GLRX2: variants seen among roughly 807,000 people sequenced by gnomAD.
GLRX2 encodes the protein bA101E13.1 (GRX2 glutaredoxin (thioltransferase) 2).
Under a neutral mutation model 16.4 loss-of-function variants are expected in GLRX2, and 12 were observed. The ratio of observed to expected loss-of-function variants is 0.73; its 90% CI spans 0.47 to 1.19. GLRX2 has a LOEUF of 1.19. Among genes scored for constraint, GLRX2 ranks in the 50% most tolerant of loss-of-function variants. GLRX2 has a pLI of 0.00. For missense variants in GLRX2, 201 were observed against 201.8 expected, an observed-to-expected ratio of 1.00 and a Z score of 0.02; for synonymous variants, 95 against 76.2, an observed-to-expected ratio of 1.25 and a Z score of -1.28.
intron 2 of GLRX2, among the ~76,000 whole-genome samples, chr1:193,098,624 T>C (rs756253404): frequency 3.9e-5 from 6 of 152,118 alleles, no homozygotes; most frequent in Non-Finnish European, 8.8e-5. Flanking sequence ...AGTGGTGGGA[T>C]CTCAGCAACC....
intron 1 of GLRX2, among the ~76,000 whole-genome samples, chr1:193,104,887 T>G (rs1675153801): frequency 6.6e-6 from 1 of 152,260 alleles, no homozygotes; most frequent in Admixed American, 6.5e-5. Context: ...ACCAGAAAAC[T>G]GTTCCGTTTT....
upstream of GLRX2, chr1:193,105,852 C>T: frequency 8.0e-7 from 1 of 1,249,794 alleles, no homozygotes; most frequent in South Asian, 2.8e-5. Context: ...CTAAATATAT[C>T]CTCTTATAAT....
At position 193,105,404 on chromosome 1, in the gene GLRX2, C is replaced by A; in HGVS notation, c.-22G>T. 6.6e-7 allele frequency: 1 copy of A among 1,517,582 alleles called. No individual in the cohort carries two copies. Among genetic ancestry groups the A allele is most frequent in the Non-Finnish European group, 8.8e-7 (1 of 1,142,818 alleles). 94.0% of individuals were successfully genotyped at this position (1,517,582 alleles called of 1,614,324 possible). ...TCATGGTCAGAGCCCGGATCTGCAG[C>A]GAGCTCTACTGCCGGACACCGCGGA... On this transcript the variant is annotated 5_prime_UTR_variant, in exon 1 of 4. Coordinates refer to ENST00000367439, the MANE Select transcript of GLRX2 (RefSeq NM_197962.3).
chr1:193,100,834 G>A (rs34575782), intron 2 of GLRX2, among the ~76,000 whole-genome samples: 55 of 152,322 alleles, frequency 3.6e-4, no homozygotes, highest in African/African-American at 1.2e-3. Context: ...GCTAAGGGCA[G>A]CTTGACTGGT....
rs1347122732 is a variant in GLRX2, at chr1:193,103,047, C to T, written c.120-1843G>A. 3.3e-5 allele frequency among the ~76,000 whole-genome samples: 5 copies of T among 151,880 alleles called. No individual in the cohort carries two copies. The East Asian group carries it at 5.8e-4, about 18-fold the overall frequency. On this transcript the variant is annotated intron_variant, in intron 1 of 3. Coordinates refer to ENST00000367439, the MANE Select transcript of GLRX2 (RefSeq NM_197962.3). ...AATGGCTCCAACAAGAGTGAAACTCCGTCTTAAATAATAATAATAATAATG... is the reference window on the plus strand; with the variant it reads ...AATGGCTCCAACAAGAGTGAAACTCTGTCTTAAATAATAATAATAATAATG...
intron 1 of GLRX2, among the ~76,000 whole-genome samples, chr1:193,101,950 T>A (rs563952634): frequency 3.9e-5 from 6 of 152,310 alleles, no homozygotes; most frequent in Non-Finnish European, 8.8e-5. Context: ...CAAATCTTTT[T>A]ATCCCTGGAA....
intron 1 of GLRX2, among the ~76,000 whole-genome samples, chr1:193,102,488 A>T (rs1015522603): frequency 6.6e-6 from 1 of 152,126 alleles, no homozygotes; most frequent in Non-Finnish European, 1.5e-5. Context: ...AGTCACTGAC[A>T]CTACAGGTAT....
chr1:193,104,543 T>C (rs191516927), intron 1 of GLRX2, among the ~76,000 whole-genome samples: 5 of 152,282 alleles, frequency 3.3e-5, no homozygotes, highest in South Asian at 2.1e-4. Flanking sequence ...CCAGATCAAG[T>C]AGATAGCGAG....
upstream of GLRX2, chr1:193,105,748 G>GA (rs1675189044): frequency 1.4e-6 from 2 of 1,402,168 alleles, no homozygotes; most frequent in South Asian, 1.6e-5. Context: ...AAACGGAGGA[G>GA]AAAAAACATG....
At chr1:193,101,282 C>A (rs192512448) in intron 1 of GLRX2, 78 bp from the exon 2 acceptor site, 23 of 968,310 alleles carry the variant, frequency 2.4e-5, no homozygotes, top group Non-Finnish European at 3.1e-5. Flanking sequence ...TGAAAAAAAT[C>A]AATCTCATAA....
chr1:193,105,512 G>T (rs756838186), upstream of GLRX2: 101 of 1,534,900 alleles, frequency 6.6e-5, no homozygotes, highest in Non-Finnish European at 6.7e-5. Flanking sequence ...GCCGCCGCCG[G>T]TCACCTCCTC....
In GLRX2 at chr1:193,097,662, A is replaced by G; in HGVS notation, c.282T>C (p.Tyr94=). The change falls in exon 3 of 4, where the codon TAT becomes TAC. Residue 94 remains tyrosine (Y), a synonymous_variant. Transcript: ENST00000367439. The part of the protein sequence containing the change: ...KKLFHDMNVN[Y]KVVELDLLEY... ...CAAGCAGGTCCAGTTCCACCACTTT[A>G]TAGTTAACATTCATGTCATGGAAAA... 3 of 1,613,580 alleles carry G rather than the reference A, an allele frequency of 1.9e-6. No homozygotes were observed. In the Admixed American group the frequency reaches 5.0e-5, roughly 27 times the overall value.
At chr1:193,099,515 A>G (rs1275654532) in intron 2 of GLRX2, among the ~76,000 whole-genome samples, 2 of 151,992 alleles carry the variant, frequency 1.3e-5, no homozygotes, top group Non-Finnish European at 2.9e-5. Flanking sequence ...TATTTTTTGT[A>G]GAGACAGGGT....
rs767382235 is a variant in GLRX2, at chr1:193,097,656, C to A, written c.288G>T (p.Val96=). ...CATATTCAAGCAGGTCCAGTTCCACCACTTTATAGTTAACATTCATGTCAT... is the reference window on the plus strand; with the variant it reads ...CATATTCAAGCAGGTCCAGTTCCACAACTTTATAGTTAACATTCATGTCAT... ...LFHDMNVNYK[V]VELDLLEYGN... Residue 96 remains valine (V), a synonymous_variant, in exon 3 of 4, where the codon GTG becomes GTT. Transcript: ENST00000367439. 1 of 1,613,372 alleles carries A rather than the reference C, an allele frequency of 6.2e-7. No individual in the cohort carries two copies. The highest frequency in any genetic ancestry group is 8.5e-7 in the Non-Finnish European group (1 of 1,179,582).
upstream of GLRX2, chr1:193,105,540 C>T (rs1218060162): frequency 6.3e-7 from 1 of 1,590,046 alleles, no homozygotes; most frequent in Non-Finnish European, 8.6e-7. Flanking sequence ...AGCGCGTCCT[C>T]CCAGGGCTGC....
intron 3 of GLRX2, among the ~76,000 whole-genome samples, chr1:193,096,980 A>G (rs781548865): frequency 2.0e-5 from 3 of 152,240 alleles, no homozygotes; most frequent in Non-Finnish European, 2.9e-5. Flanking sequence ...CAAAATCACA[A>G]TGATGGTACA....
At chr1:193,105,164 C>G in intron 1 of GLRX2, 100 bp downstream of exon 1, 1 of 1,417,578 alleles carries the variant, frequency 7.1e-7, no homozygotes, top group Non-Finnish European at 9.1e-7. Context: ...CCTCGCCCAC[C>G]CGGCGCCGGG....
intron 2 of GLRX2, 74 bp downstream of exon 2, chr1:193,101,067 A>G: frequency 1.1e-6 from 1 of 876,052 alleles, no homozygotes; most frequent in South Asian, 1.3e-5. Flanking sequence ...ATATTGAATA[A>G]GCATATTAAA....
At chr1:193,099,443 T>A (rs1311566356) in intron 2 of GLRX2, among the ~76,000 whole-genome samples, 1 of 152,046 alleles carries the variant, frequency 6.6e-6, no homozygotes, top group East Asian at 1.9e-4. Context: ...TGAGCTCAGG[T>A]GATTCTCCCA....
Sources: allele counts gnomAD v4.1 joint callset (sites outside exome capture counted in the v4.1 genomes callset), GRCh38; gene constraint gnomAD v4.1.1; transcripts MANE v1.5; gene names NCBI Gene and HGNC (gene_info 2026-07-23, HGNC 2026-07-21).